Variants in EMC2 observed in about 807,000 individuals in gnomAD.
EMC2 encodes the protein TPR repeat protein 35.
Under a neutral mutation model 51.6 loss-of-function variants are expected in EMC2, and 37 were observed. The ratio of observed to expected loss-of-function variants is 0.72; its 90% CI spans 0.55 to 0.94. The LOEUF (loss-of-function observed/expected upper bound fraction) is 0.94, where lower values mean the gene tolerates loss of function less well. EMC2 is among the 40% of genes least tolerant of loss of function. The pLI, the probability that EMC2 is intolerant of heterozygous loss-of-function variation, is 0.00. For synonymous variants in EMC2, 131 were observed against 112.4 expected (o/e 1.17, Z -1.04); for missense variants, 359 against 350.9 (o/e 1.02, Z -0.18).
At chr8:108,469,084 G>A (rs1810798659) in intron 5 of EMC2, among the ~76,000 whole-genome samples, 1 of 152,010 alleles carries the variant, frequency 6.6e-6, no homozygotes, top group South Asian at 2.1e-4. Context: ...AGATATCCCT[G>A]TCATTGCTCT....
intron 5 of EMC2, among the ~76,000 whole-genome samples, chr8:108,460,378 G>A (rs1819288390): frequency 6.6e-6 from 1 of 152,106 alleles, no homozygotes; most frequent in South Asian, 2.1e-4. Context: ...AAATCCAAAT[G>A]GTTCCCCTCA....
chr8:108,471,377 T>C (rs550959815), intron 7 of EMC2, among the ~76,000 whole-genome samples: 81 of 152,050 alleles, frequency 5.3e-4, no homozygotes, highest in African/African-American at 1.4e-3. Flanking sequence ...ACTAAAAGCA[T>C]TTTAAAACAT....
intron 5 of EMC2, among the ~76,000 whole-genome samples, chr8:108,462,222 T>TGTGTGTGTGTGTGTGTGC (rs71303986): frequency 2.4e-4 from 37 of 151,598 alleles, no homozygotes; most frequent in Middle Eastern, 6.8e-3. Flanking sequence ...TTTGTGTGCG[T>TGTGTGTGTGTGTGTGTGC]GTGTGTGTAT....
At chr8:108,467,191 A>G (rs1414569843) in intron 5 of EMC2, among the ~76,000 whole-genome samples, 3 of 152,176 alleles carry the variant, frequency 2.0e-5, no homozygotes, top group East Asian at 1.9e-4. Flanking sequence ...ACTGTTTGGT[A>G]TGAATGCGTG....
chr8:108,469,675 C>T (rs1211166113), intron 5 of EMC2, 151 bp from the exon 6 acceptor site: 2 of 593,288 alleles, frequency 3.4e-6, no homozygotes, highest in Non-Finnish European at 6.0e-6. Flanking sequence ...AGTGGGATGT[C>T]ATGGGGTATG....
At position 108,469,873 on chromosome 8, in the gene EMC2, T is replaced by C. The variant is rs1170324966; in HGVS notation, c.411T>C (p.Asn137=). 1 of 1,613,334 alleles carries C rather than the reference T, an allele frequency of 6.2e-7. No individual in the cohort carries two copies. The highest frequency in any genetic ancestry group is 1.1e-5 in the South Asian group (1 of 91,036). The change falls in exon 6 of 11, where the codon AAT becomes AAC. Residue 137 remains asparagine (N), a synonymous_variant. Transcript: ENST00000220853. The part of the protein sequence containing the change: ...KIAIRKAQGK[N]VEAIRELNEY... Reference sequence around the variant, plus strand: ...CCATTCGAAAAGCCCAGGGGAAAAATGTGGAGGCCATTCGGGAGCTGAATG... The same window carrying C: ...CCATTCGAAAAGCCCAGGGGAAAAACGTGGAGGCCATTCGGGAGCTGAATG...
intron 2 of EMC2, 47 bp downstream of exon 2, chr8:108,449,983 G>A (rs1818977881): frequency 4.5e-6 from 3 of 673,234 alleles, no homozygotes; most frequent in South Asian, 2.7e-5. Flanking sequence ...CTCATTCATG[G>A]GCCTTTTTTT....
chr8:108,452,490 C>G (rs1057017909), intron 3 of EMC2, among the ~76,000 whole-genome samples: 9 of 152,094 alleles, frequency 5.9e-5, no homozygotes, highest in African/African-American at 2.2e-4. Context: ...TCGCTTGAAC[C>G]CAGGAGGTGG....
At chr8:108,481,624 A>C (rs1039755276) in intron 10 of EMC2, among the ~76,000 whole-genome samples, 3 of 152,174 alleles carry the variant, frequency 2.0e-5, no homozygotes, top group Admixed American at 6.6e-5. Context: ...ATTATAACAG[A>C]AAAAAGGATG....
At chr8:108,476,044 G>A (rs1810940982) in intron 8 of EMC2, 81 bp downstream of exon 8, 1 of 735,782 alleles carries the variant, frequency 1.4e-6, no homozygotes, top group Non-Finnish European at 2.3e-6. Context: ...ATATTTCCTT[G>A]ATGTTAAGCA....
At chr8:108,465,648 T>G (rs1258712503) in intron 5 of EMC2, among the ~76,000 whole-genome samples, 1 of 152,214 alleles carries the variant, frequency 6.6e-6, no homozygotes, top group East Asian at 1.9e-4. Flanking sequence ...ATTGTTGCAT[T>G]TCTTAATGCC....
intron 9 of EMC2, among the ~76,000 whole-genome samples, 163 bp from the exon 10 acceptor site, chr8:108,478,843 A>AT (rs1424980800): frequency 6.6e-6 from 1 of 151,768 alleles, no homozygotes; most frequent in Non-Finnish European, 1.5e-5. Context: ...ATATATTTTC[A>AT]TTTTTAAGCA....
At chr8:108,482,444 T>A (rs1811059946) in intron 10 of EMC2, among the ~76,000 whole-genome samples, 1 of 152,168 alleles carries the variant, frequency 6.6e-6, no homozygotes, top group Non-Finnish European at 1.5e-5. Context: ...CAGTCATTTG[T>A]TTGTGTTTTT....
chr8:108,474,624 T>C (rs897449949), intron 7 of EMC2: 2 of 151,856 alleles, frequency 1.3e-5, no homozygotes, highest in African/African-American at 4.8e-5. Context: ...GCTGTAATTA[T>C]TAGGTAATCT....
At chr8:108,458,973 A>C (rs4279562) in intron 5 of EMC2, among the ~76,000 whole-genome samples, 104,028 of 152,026 alleles carry the variant, frequency 0.68, 36,149 homozygotes, top group African/African-American at 0.81. Context: ...TGCTGCTTAG[A>C]AATTTCTTCT....
intron 9 of EMC2, among the ~76,000 whole-genome samples, chr8:108,477,206 C>G (rs533086433): frequency 5.3e-5 from 8 of 152,076 alleles, no homozygotes; most frequent in African/African-American, 1.9e-4. Context: ...TTATGCCCAA[C>G]ATTATTGTAT....
At chr8:108,466,442 A>ATTTTTTTTTTTTTT (rs869102478) in intron 5 of EMC2, among the ~76,000 whole-genome samples, 2 of 91,062 alleles carry the variant, frequency 2.2e-5, no homozygotes, top group African/African-American at 9.4e-5. Context: ...CTATGATAGA[A>ATTTTTTTTTTTTTT]TTTTTTTTTT....
At position 108,443,682 on chromosome 8, in the gene EMC2, C is replaced by G; in HGVS notation, c.24C>G (p.Tyr8Ter). 6.2e-7 allele frequency: 1 copy of G among 1,610,038 alleles called. No individual in the cohort carries two copies. The highest frequency in any genetic ancestry group is 8.5e-7 in the Non-Finnish European group (1 of 1,178,056). The change falls in exon 1 of 11, where the codon TAC becomes TAG. Residue 8 changes from tyrosine (Y) to a stop codon, truncating the protein, a stop_gained. Coordinates refer to ENST00000220853, the MANE Select transcript of EMC2 (RefSeq NM_014673.5). LOFTEE classifies it high-confidence loss of function. ...AGATGGCGAAGGTCTCAGAGCTTTA[C>G]GATGTCACTTGGGAAGGTAACTTCG... is the stretch of plus-strand genomic sequence containing the variant. MAKVSEL[Y>*]DVTWEEMRDK...
chr8:108,455,606 G>A (rs959324181), intron 4 of EMC2, among the ~76,000 whole-genome samples: 2 of 151,972 alleles, frequency 1.3e-5, no homozygotes, highest in Non-Finnish European at 2.9e-5. Flanking sequence ...TTGTACTTTG[G>A]ACAAATTGAA....
Sources: gnomAD v4.1 joint callset for allele counts (sites outside exome capture counted in the v4.1 genomes callset) on GRCh38, gnomAD v4.1.1 for gene constraint, MANE v1.5 for transcripts, NCBI Gene and HGNC (gene_info 2026-07-23, HGNC 2026-07-21) for gene names.